PLOD1: variants seen among roughly 807,000 people sequenced by gnomAD.
The protein encoded by PLOD1 is lysine hydroxylase.
Under a neutral mutation model 94.7 loss-of-function variants are expected in PLOD1, and 70 were observed. That is an observed-to-expected ratio of 0.74 (90% CI 0.61 to 0.90). PLOD1 has a LOEUF of 0.90. Ranked by LOEUF, PLOD1 falls within the 40% of genes least tolerant of loss-of-function variation. The pLI, the probability that PLOD1 is intolerant of heterozygous loss-of-function variation, is 0.00. For missense variants in PLOD1, 905 were observed against 972.7 expected, an observed-to-expected ratio of 0.93 and a Z score of 0.93; for synonymous variants, 417 against 400.2, an observed-to-expected ratio of 1.04 and a Z score of -0.50.
At chr1:11,960,005 C>T (rs1181498908) in intron 9 of PLOD1, among the ~76,000 whole-genome samples, 3 of 144,910 alleles carry the variant, frequency 2.1e-5, no homozygotes, top group African/African-American at 8.4e-5. Flanking sequence ...TCTTGGCTCA[C>T]TGCAACCTCC....
chr1:11,974,983 G>T lies in PLOD1; in HGVS notation c.*175G>T. ...AAGAGATTCCTGCAGGCCAGAGGCG[G>T]AACACACCTTTATGGCTGGGGCTCT... On this transcript the variant is annotated 3_prime_UTR_variant, in exon 19 of 19. Transcript: ENST00000196061. 3 of 717,444 alleles carry T rather than the reference G, an allele frequency of 4.2e-6. No individual in the cohort carries two copies. Among genetic ancestry groups the T allele is most frequent in the South Asian group, 3.0e-5 (2 of 66,490 alleles). 44.4% of individuals were successfully genotyped at this position (717,444 alleles called of 1,614,324 possible). A position where few individuals can be genotyped will look rare whatever the true frequency, so the allele number is the denominator to read the frequency against.
At chr1:11,973,055 G>C in intron 18 of PLOD1, 58 bp downstream of exon 18, 2 of 1,608,070 alleles carry the variant, frequency 1.2e-6, no homozygotes, top group Non-Finnish European at 1.7e-6. Context: ...AGGGCTAGCT[G>C]AGGAGAGGCT....
intron 1 of PLOD1, among the ~76,000 whole-genome samples, chr1:11,947,124 C>A (rs1645661415): frequency 6.6e-6 from 1 of 151,958 alleles, no homozygotes; most frequent in Admixed American, 6.6e-5. Context: ...CAAAAATTAG[C>A]TGGGCATGGT....
chr1:11,958,527 G>A lies in PLOD1; in HGVS notation c.855G>A (p.Leu285=). Residue 285 remains leucine, a synonymous_variant, in exon 9 of 19, where the codon CTG becomes CTA. Transcript: ENST00000196061. This position sits in a 1 kb window ranked among gnomAD's most constrained non-coding sequence, Gnocchi z 4.3. ...CCTCCCTGGTGCAGGATGAAGCTCT[G>A]CCCACGGTCCTGGTCGGCGTGTTCA... ...RSLKGIGDEA[L]PTVLVGVFIE... is the part of the protein sequence containing the mutation. 6.2e-7 allele frequency: 1 copy of A among 1,613,762 alleles called. No homozygotes were observed. The highest frequency in any genetic ancestry group is 8.5e-7 in the Non-Finnish European group (1 of 1,179,926).
chr1:11,964,327 T>TGGGGGGGGGGGGGGGG lies in PLOD1; in HGVS notation c.1328+32_1328+33insGGGGGGGGGGGGGGGG. On this transcript the variant is annotated intron_variant, in intron 12 of 18. Transcript: ENST00000196061. ...TGAGTACCTGCAGGGTGGGGGTGGGTGGGGGACACCTTCATCTGGCTTCTG... is the reference window on the plus strand; with the variant it reads ...TGAGTACCTGCAGGGTGGGGGTGGGTGGGGGGGGGGGGGGGGGGGGGACACCTTCATCTGGCTTCTG... The TGGGGGGGGGGGGGGGG allele has an allele frequency of 2.0e-5, 11 of 546,346 alleles. No homozygotes were observed. In the East Asian group the frequency reaches 2.4e-4, roughly 12 times the overall value. The allele number at this position is 546,346 out of a possible 1,614,324, so 33.8% of individuals were successfully genotyped here.
rs147940796 is a variant in PLOD1 at position 11,957,885 on chromosome 1, C to T, written c.785C>T (p.Thr262Ile). The T allele has an allele frequency of 8.9e-5, 144 of 1,614,018 alleles. No homozygotes were observed. The African/African-American group carries it at 1.6e-3, about 18-fold the overall frequency. Residue 262 changes from threonine (T) to isoleucine (I), a missense_variant, in exon 8 of 19, where the codon ACC becomes ATC. Transcript: ENST00000196061. This position sits in a 1 kb window ranked among gnomAD's most constrained non-coding sequence, Gnocchi z 4.1. ...GGCAACTACATCCCGCGCTTCTGGA[C>T]CTTCGAAACAGGCTGCACCGTGTGT... is the stretch of plus-strand genomic sequence containing the variant. Reference protein sequence around the residue: ...YLGNYIPRFWTFETGCTVCDE... With the variant: ...YLGNYIPRFWIFETGCTVCDE...
chr1:11,961,324 G>C (rs924537993), intron 10 of PLOD1, among the ~76,000 whole-genome samples: 1 of 152,322 alleles, frequency 6.6e-6, no homozygotes, highest in South Asian at 2.1e-4. Flanking sequence ...AGTCGAGGTT[G>C]CATGAGCTAT....
At chr1:11,937,536 T>C (rs141190146) in intron 1 of PLOD1, among the ~76,000 whole-genome samples, 7 of 152,278 alleles carry the variant, frequency 4.6e-5, no homozygotes, top group Non-Finnish European at 1.0e-4. Flanking sequence ...TTCTGGGCCT[T>C]TGATCCCCCT....
intron 2 of PLOD1, among the ~76,000 whole-genome samples, chr1:11,948,437 C>T (rs1044404423): frequency 2.0e-5 from 3 of 152,244 alleles, no homozygotes; most frequent in African/African-American, 4.8e-5. Context: ...AAACACTGCT[C>T]TAAAGAAACA....
At chr1:11,949,390 T>C (rs1645680882) in intron 2 of PLOD1, among the ~76,000 whole-genome samples, 1 of 151,878 alleles carries the variant, frequency 6.6e-6, no homozygotes, top group Non-Finnish European at 1.5e-5. Flanking sequence ...AGGGTCAGAG[T>C]TGCTGGACCC....
Position 11,974,869 on chromosome 1 carries a change from T to C in PLOD1, c.*61T>C, listed in dbSNP as rs886045209. 1 of 1,566,970 alleles carries C rather than the reference T, an allele frequency of 6.4e-7. No individual in the cohort carries two copies. Among genetic ancestry groups the C allele is most frequent in the Non-Finnish European group, 8.8e-7 (1 of 1,137,174 alleles). On this transcript the variant is annotated 3_prime_UTR_variant, in exon 19 of 19. Coordinates refer to ENST00000196061, the MANE Select transcript of PLOD1 (RefSeq NM_000302.4). ...TGCCGACAACCACTGCCCAGCAGCC[T>C]CTGGGACCTCGGGGTCCCAGGGAAC...
At position 11,958,404 on chromosome 1, in the gene PLOD1, GA is replaced by G; in HGVS notation, c.844-110del. 1 of 1,267,114 alleles carries G rather than the reference GA, an allele frequency of 7.9e-7. No homozygotes were observed. The allele number at this position is 1,267,114 out of a possible 1,614,324, so 78.5% of individuals were successfully genotyped here. On this transcript the variant is annotated intron_variant, in intron 8 of 18. Transcript: ENST00000196061. This position sits in a 1 kb window ranked among gnomAD's most constrained non-coding sequence, Gnocchi z 4.3. ...TCCCCGGCCCGGGCACCTTTCTTGG[GA>G]AGTCTACATGCTTCTGATTCTGGCT... is the stretch of plus-strand genomic sequence containing the variant.
At position 11,972,969 on chromosome 1, in the gene PLOD1, C is replaced by A; in HGVS notation, c.2000C>A (p.Ala667Asp). 1 of 1,614,102 alleles carries A rather than the reference C, an allele frequency of 6.2e-7. No homozygotes were observed. Among genetic ancestry groups the A allele is most frequent in the Non-Finnish European group, 8.5e-7 (1 of 1,180,004 alleles). ...GCCTCCACCTTCACCATCAACATCG[C>A]CCTGAACCGAGTCGGGGTGGATTAC... ...HDASTFTINI[A>D]LNRVGVDYEG... The change falls in exon 18 of 19, where the codon GCC becomes GAC. Residue 667 changes from alanine (A) to aspartate (D), a missense_variant. Coordinates refer to ENST00000196061, the MANE Select transcript of PLOD1 (RefSeq NM_000302.4). This position sits in a 1 kb window ranked among gnomAD's most constrained non-coding sequence, Gnocchi z 4.6.
chr1:11,953,642 A>G (rs1441225061), intron 5 of PLOD1, among the ~76,000 whole-genome samples: 1 of 151,482 alleles, frequency 6.6e-6, no homozygotes, highest in Non-Finnish European at 1.5e-5. Context: ...AAATATAAAG[A>G]TTAGCCGTGC....
chr1:11,954,328 A>C, intron 5 of PLOD1: 1 of 322,076 alleles, frequency 3.1e-6, no homozygotes, highest in East Asian at 8.3e-5. Flanking sequence ...AAAAAAAAAA[A>C]AAAAAAAATT....
At chr1:11,960,579 C>T (rs920385502) in intron 9 of PLOD1, 67 bp from the exon 10 acceptor site, 96 of 1,139,342 alleles carry the variant, frequency 8.4e-5, no homozygotes, top group Admixed American at 3.7e-4. Context: ...GGAGGTGCTA[C>T]AGTCCCTGGG....
intron 10 of PLOD1, among the ~76,000 whole-genome samples, chr1:11,961,431 G>A (rs1401540098): frequency 6.6e-6 from 1 of 152,164 alleles, no homozygotes; most frequent in Non-Finnish European, 1.5e-5. Context: ...GTTGCTTGTA[G>A]AAGAGTCAGA....
intron 10 of PLOD1, among the ~76,000 whole-genome samples, chr1:11,962,270 T>TTTTC: frequency 9.6e-6 from 1 of 104,048 alleles, no homozygotes. Flanking sequence ...TTGATTTTTG[T>TTTTC]TTTCTTTTTT....
rs1569721294 is a variant in PLOD1 at position 11,964,218 on chromosome 1, T to G, written c.1246T>G (p.Ser416Ala). The change falls in exon 12 of 19, where the codon TCG becomes GCG. Residue 416 changes from serine to alanine, a missense_variant. Transcript: ENST00000196061. ...GATGACCCGGCATGGGAGGCTGTGG[T>G]CGAACTTCTGGGGGGCTCTCAGTGC... is the stretch of plus-strand genomic sequence containing the variant. Reference protein sequence around the residue: ...PLMTRHGRLWSNFWGALSADG... With the variant: ...PLMTRHGRLWANFWGALSADG... 6.2e-7 allele frequency: 1 copy of G among 1,612,806 alleles called. No individual in the cohort carries two copies. Among genetic ancestry groups the G allele is most frequent in the African/African-American group, 1.3e-5 (1 of 74,654 alleles).
Sources: gnomAD v4.1 joint callset for allele counts (sites outside exome capture counted in the v4.1 genomes callset) on GRCh38, gnomAD v4.1.1 for gene constraint, Gnocchi (gnomAD v3.1) non-coding constraint, MANE v1.5 for transcripts, NCBI Gene and HGNC (gene_info 2026-07-23, HGNC 2026-07-21) for gene names.